The following ZFYVE28 variants were observed in gnomAD, a reference collection of about 807,000 sequenced individuals.
The protein encoded by ZFYVE28 is zinc finger FYVE-type containing 28.
A neutral mutation model predicts 82.1 loss-of-function variants in ZFYVE28; 40 were observed. The ratio of observed to expected loss-of-function variants is 0.49; its 90% CI spans 0.38 to 0.63. ZFYVE28 has a LOEUF of 0.63. Among genes scored for constraint, ZFYVE28 ranks in the 30% least tolerant of loss-of-function variants. The probability of loss-of-function intolerance (pLI) is 0.00; values close to 1 mark genes in which losing one functional copy is unlikely to be tolerated. For missense variants in ZFYVE28, 1,321 were observed against 1,242.1 expected (o/e 1.06, Z -0.96); for synonymous variants, 612 against 546.1 (o/e 1.12, Z -1.68).
At chr4:2,337,292 T>C in intron 5 of ZFYVE28, 115 bp downstream of exon 5, 1 of 879,646 alleles carries the variant, frequency 1.1e-6, no homozygotes, top group Admixed American at 2.8e-5. Context: ...GCCTTCCATC[T>C]GGGGCACTCC....
intron 1 of ZFYVE28, among the ~76,000 whole-genome samples, chr4:2,357,019 A>G (rs1434034595): frequency 1.3e-5 from 2 of 152,126 alleles, no homozygotes; most frequent in Non-Finnish European, 2.9e-5. Flanking sequence ...CAGCCTCCCA[A>G]GTAGCTGGGA....
At chr4:2,313,922 G>A (rs527798513) in intron 7 of ZFYVE28, among the ~76,000 whole-genome samples, 7 of 151,694 alleles carry the variant, frequency 4.6e-5, no homozygotes, top group Non-Finnish European at 8.8e-5. Context: ...GTCAGGTCAA[G>A]TTTATTAGTT....
intron 6 of ZFYVE28, chr4:2,328,978 G>A (rs991206193): frequency 1.7e-5 from 10 of 582,230 alleles, no homozygotes. Flanking sequence ...TATTCCATTG[G>A]TCTATACATC....
chr4:2,363,157 C>T (rs1002902362), intron 1 of ZFYVE28, among the ~76,000 whole-genome samples: 5 of 152,070 alleles, frequency 3.3e-5, no homozygotes, highest in African/African-American at 9.7e-5. Flanking sequence ...CTCATATGAC[C>T]GTTGACCGGT....
Position 2,335,697 on chromosome 4 carries a change from G to T in ZFYVE28, c.701+8C>A. The T allele has an allele frequency of 6.4e-7, 1 of 1,567,786 alleles. No homozygotes were observed. The highest frequency in any genetic ancestry group is 1.9e-5 in the Admixed American group (1 of 52,874). ...TCTGCAGAGGTCCTGGGCACAGGAG[G>T]CACTCACCACACGATGGCCAGCCTG... On this transcript the variant is annotated splice_region_variant and intron_variant, in intron 6 of 12. Coordinates refer to ENST00000290974, the MANE Select transcript of ZFYVE28 (RefSeq NM_020972.3). The surrounding 1 kb of genome is among the most constrained non-coding windows in gnomAD (Gnocchi z 5.8).
intron 2 of ZFYVE28, among the ~76,000 whole-genome samples, chr4:2,345,420 T>C (rs1420646830): frequency 1.3e-5 from 2 of 151,846 alleles, no homozygotes; most frequent in Admixed American, 6.6e-5. Flanking sequence ...AATTACAGTG[T>C]CTGAGATGAA....
intron 1 of ZFYVE28, among the ~76,000 whole-genome samples, chr4:2,414,485 G>C (rs28631877): frequency 1.9e-4 from 29 of 152,296 alleles, no homozygotes; most frequent in African/African-American, 7.0e-4. Context: ...CCTACAAAGC[G>C]GGGGGACAAG....
At chr4:2,404,407 C>T (rs1174878503) in intron 1 of ZFYVE28, among the ~76,000 whole-genome samples, 1 of 152,148 alleles carries the variant, frequency 6.6e-6, no homozygotes, top group African/African-American at 2.4e-5. Context: ...CGAACACACA[C>T]GCTCATGCCA....
rs571846381 is a variant in ZFYVE28 at position 2,320,427 on chromosome 4, T to C, written c.702-156A>G. ...CCGCCTCATGCTTTGCCTTGTGTGA[T>C]TGCATTGTAAATAAGTTTAGAAAAA... On this transcript the variant is annotated intron_variant, in intron 6 of 12. Coordinates refer to ENST00000290974, the MANE Select transcript of ZFYVE28 (RefSeq NM_020972.3). The surrounding 1 kb of genome is among the most constrained non-coding windows in gnomAD (Gnocchi z 5.1). Among the ~76,000 whole-genome samples, 2 of 152,324 alleles carry C rather than the reference T, an allele frequency of 1.3e-5. No individual in the cohort carries two copies. The highest frequency in any genetic ancestry group is 1.9e-4 in the East Asian group (1 of 5,192).
chr4:2,304,826 G>T lies in ZFYVE28; in HGVS notation c.1514C>A (p.Ala505Asp). The change falls in exon 8 of 13, where the codon GCC becomes GAC. Residue 505 changes from alanine to aspartate, a missense_variant. This residue lies in a region of ZFYVE28 where 978 missense variants were observed against 833.7 expected (regional missense o/e 1.17). Coordinates refer to ENST00000290974, the MANE Select transcript of ZFYVE28 (RefSeq NM_020972.3). The part of the protein sequence containing the change: ...ADDAETAEMI[A>D]HRTGGMKLSA... ...GAGCTTCATGCCCCCTGTCCGGTGG[G>T]CGATCATCTCAGCCGTCTCTGCGTC... 6.2e-7 allele frequency: 1 copy of T among 1,612,652 alleles called. No homozygotes were observed. Among genetic ancestry groups the T allele is most frequent in the Non-Finnish European group, 8.5e-7 (1 of 1,179,934 alleles).
chr4:2,374,027 A>G (rs1336232833), intron 1 of ZFYVE28, among the ~76,000 whole-genome samples: 1 of 152,142 alleles, frequency 6.6e-6, no homozygotes, highest in African/African-American at 2.4e-5. Flanking sequence ...TGACTGCCTG[A>G]TCCACCAAGA....
At position 2,374,770 on chromosome 4, in the gene ZFYVE28, C is replaced by T. The variant is rs140234971; in HGVS notation, c.40-20697G>A. Among the ~76,000 whole-genome samples the T allele has an allele frequency of 4.3e-4, 65 of 152,336 alleles. No homozygotes were observed. In the Middle Eastern group the frequency reaches 0.01, roughly 24 times the overall value. The stretch of plus-strand genomic sequence containing the variant: ...AACTCATATAAACCCCAACATCAGA[C>T]GCTGTGGCTCCTGCCTCATCTCCCC... On this transcript the variant is annotated intron_variant, in intron 1 of 12. Transcript: ENST00000290974.
At position 2,270,846 on chromosome 4, in the gene ZFYVE28, G is replaced by A. The variant is rs999811978; in HGVS notation, c.2543C>T (p.Ser848Leu). Residue 848 changes from serine to leucine, a missense_variant, in exon 13 of 13, where the codon TCG (serine) becomes TTG (leucine). By Grantham distance (145) the Ser-to-Leu change is moderately radical (BLOSUM62 -2). This residue lies in a region of ZFYVE28 where 978 missense variants were observed against 833.7 expected (regional missense o/e 1.17). Coordinates refer to ENST00000290974, the MANE Select transcript of ZFYVE28 (RefSeq NM_020972.3). ...HCRSCGKIFC[S>L]RCSSHSAPLP... ...CGGTGCTGAGTGCGAGGAGCAGCGC[G>A]AGCAGAAGATCTGGAATGGGGTTGG... 8.7e-6 allele frequency: 14 copies of A among 1,612,866 alleles called. No homozygotes were observed. The highest frequency in any genetic ancestry group is 1.1e-5 in the Non-Finnish European group (13 of 1,179,924).
rs1055859971 is a variant in ZFYVE28, at chr4:2,417,667, G to A, written c.39+618C>T. Among the ~76,000 whole-genome samples, 2 of 151,828 alleles carry A rather than the reference G, an allele frequency of 1.3e-5. No homozygotes were observed. The highest frequency in any genetic ancestry group is 4.9e-5 in the African/African-American group (2 of 41,172). On this transcript the variant is annotated intron_variant, in intron 1 of 12. Transcript: ENST00000290974. This position sits in a 1 kb window ranked among gnomAD's most constrained non-coding sequence, Gnocchi z 4.8. Reference sequence around the variant, plus strand: ...TGGGCCGAGGTGTGGGTCAGTCCTGGTTCGGGAAGGGAGGCCGTTGGCAGG... The same window carrying A: ...TGGGCCGAGGTGTGGGTCAGTCCTGATTCGGGAAGGGAGGCCGTTGGCAGG...
intron 8 of ZFYVE28, among the ~76,000 whole-genome samples, chr4:2,294,102 C>G (rs1305152498): frequency 7.0e-6 from 1 of 143,262 alleles, no homozygotes; most frequent in Non-Finnish European, 1.5e-5. Flanking sequence ...TAAAAGTTGA[C>G]AACCCTAAAA....
rs1484860471 is a variant in ZFYVE28, at chr4:2,332,996, G to A, written c.701+2709C>T. On this transcript the variant is annotated intron_variant, in intron 6 of 12. Transcript: ENST00000290974. This position sits in a 1 kb window ranked among gnomAD's most constrained non-coding sequence, Gnocchi z 4.7. The stretch of plus-strand genomic sequence containing the variant: ...TGGCTTTGGGCTCTTATGCCCTCTC[G>A]CCCTTCCTCCCTCCTTCAATCCAAG... Among the ~76,000 whole-genome samples the A allele has an allele frequency of 3.3e-5, 5 of 151,836 alleles. No individual in the cohort carries two copies. The highest frequency in any genetic ancestry group is 1.3e-4 in the Admixed American group (2 of 15,254).
chr4:2,371,027 C>T (rs975416489), intron 1 of ZFYVE28, among the ~76,000 whole-genome samples: 3 of 152,234 alleles, frequency 2.0e-5, no homozygotes, highest in African/African-American at 7.2e-5. Flanking sequence ...GCATGTGGGG[C>T]GCAGCCCGAG....
chr4:2,395,883 G>A (rs567361576), intron 1 of ZFYVE28, among the ~76,000 whole-genome samples: 113 of 152,274 alleles, frequency 7.4e-4, no homozygotes, highest in Non-Finnish European at 1.1e-3. Flanking sequence ...GACACTTGGC[G>A]CCAGGGGGTT....
chr4:2,330,284 T>C (rs1295781320), intron 6 of ZFYVE28: 7 of 988,648 alleles, frequency 7.1e-6, no homozygotes, highest in African/African-American at 1.7e-5. Context: ...CTCAGTAACA[T>C]GGAAAAATAA....
Sources: allele counts gnomAD v4.1 joint callset (sites outside exome capture counted in the v4.1 genomes callset), GRCh38; gene constraint gnomAD v4.1.1; regional missense constraint gnomAD v4.1.1; non-coding constraint Gnocchi (gnomAD v3.1); transcripts MANE v1.5; gene names NCBI Gene and HGNC (gene_info 2026-07-23, HGNC 2026-07-21).